The following GALNT13 variants were observed in gnomAD, a reference collection of about 807,000 sequenced individuals.
GALNT13 encodes the protein polypeptide N-acetylgalactosaminyltransferase 13, also known as UDP-GalNAc:polypeptide N-acetylgalactosaminyltransferase 13.
In GALNT13, 28 loss-of-function variants were observed where a neutral mutation model predicts 64.2. That is an observed-to-expected ratio of 0.44 (90% confidence interval 0.32 to 0.60). GALNT13 has a LOEUF of 0.60. Among genes scored for constraint, GALNT13 ranks in the 20% least tolerant of loss-of-function variants. The pLI, the probability that GALNT13 is intolerant of heterozygous loss-of-function variation, is 0.05. For synonymous variants in GALNT13, 214 were observed against 224.6 expected, an observed-to-expected ratio of 0.95 and a Z score of 0.42; for missense variants, 577 against 669.8, an observed-to-expected ratio of 0.86 and a Z score of 1.53.
chr2:154,420,183 A>G (rs2105421466), intron 11 of GALNT13, among the ~76,000 whole-genome samples: 1 of 152,192 alleles, frequency 6.6e-6, no homozygotes, highest in Middle Eastern at 3.4e-3. Flanking sequence ...CATCAGGACA[A>G]CTTTTCTTAC....
chr2:154,286,829 C>G (rs1319398953), intron 8 of GALNT13: 3 of 336,168 alleles, frequency 8.9e-6, no homozygotes, highest in African/African-American at 4.3e-5. Context: ...CCAGTCATCA[C>G]TGGTAGCAAA....
chr2:153,198,366 G>C, the GALNT13 span, among the ~76,000 whole-genome samples: 1 of 152,192 alleles, frequency 6.6e-6, no homozygotes, highest in South Asian at 2.1e-4. Context: ...GAGAATGTAG[G>C]CCACTGGGAA....
chr2:154,383,772 GCTATAT>G (rs1698385187), intron 9 of GALNT13, among the ~76,000 whole-genome samples: 1 of 151,684 alleles, frequency 6.6e-6, no homozygotes, highest in African/African-American at 2.4e-5. Flanking sequence ...TATCTATATA[GCTATAT>G]CTATATACAA....
the GALNT13 span, among the ~76,000 whole-genome samples, chr2:153,831,751 C>A: frequency 2.6e-5 from 4 of 152,168 alleles, no homozygotes; most frequent in African/African-American, 9.7e-5. Context: ...TTGGCAGCTT[C>A]CTACTTCTAC....
At chr2:154,405,032 G>GT (rs1699465163) in intron 10 of GALNT13, among the ~76,000 whole-genome samples, 1 of 152,086 alleles carries the variant, frequency 6.6e-6, no homozygotes, top group African/African-American at 2.4e-5. Flanking sequence ...GAAAAAGATA[G>GT]TAAGAAGTAG....
At chr2:153,443,169 C>T in the GALNT13 span, among the ~76,000 whole-genome samples, 4 of 152,306 alleles carry the variant, frequency 2.6e-5, no homozygotes, top group Non-Finnish European at 5.9e-5. Context: ...ACCTAGGGCC[C>T]TGGTAGCATA....
the GALNT13 span, among the ~76,000 whole-genome samples, chr2:153,661,718 A>G: frequency 6.6e-6 from 1 of 152,182 alleles, no homozygotes; most frequent in Non-Finnish European, 1.5e-5. Flanking sequence ...TCTGTAACTT[A>G]TTTCTCCACA....
At chr2:154,148,198 A>G (rs1473675295) in intron 4 of GALNT13, among the ~76,000 whole-genome samples, 1 of 151,778 alleles carries the variant, frequency 6.6e-6, no homozygotes, top group Non-Finnish European at 1.5e-5. Context: ...TTCTTGTGAT[A>G]GTTTACTGAG....
the GALNT13 span, among the ~76,000 whole-genome samples, chr2:153,233,447 G>T: frequency 6.6e-6 from 1 of 151,372 alleles, no homozygotes; most frequent in South Asian, 2.1e-4. Context: ...ACCCATTCGT[G>T]CCTTTAGAGC....
At chr2:153,506,906 T>C in the GALNT13 span, among the ~76,000 whole-genome samples, 1 of 152,192 alleles carries the variant, frequency 6.6e-6, no homozygotes, top group Non-Finnish European at 1.5e-5. Context: ...GCCAGGGAAG[T>C]TTTCCTCTAT....
the GALNT13 span, among the ~76,000 whole-genome samples, chr2:153,452,612 TA>T: frequency 6.6e-6 from 1 of 151,834 alleles, no homozygotes; most frequent in Non-Finnish European, 1.5e-5. Context: ...ATGATAGTCT[TA>T]GAAATCATAG....
At chr2:153,515,476 T>C in the GALNT13 span, among the ~76,000 whole-genome samples, 1 of 152,206 alleles carries the variant, frequency 6.6e-6, no homozygotes, top group African/African-American at 2.4e-5. Flanking sequence ...TGAACAATCT[T>C]GATCATTTAT....
the GALNT13 span, among the ~76,000 whole-genome samples, chr2:153,522,554 C>T: frequency 6.6e-6 from 1 of 152,062 alleles, no homozygotes; most frequent in African/African-American, 2.4e-5. Context: ...TGGATTTTGA[C>T]CATCCTAAAA....
At chr2:153,407,761 C>A in the GALNT13 span, among the ~76,000 whole-genome samples, 624 of 152,258 alleles carry the variant, frequency 4.1e-3, 6 homozygotes, top group African/African-American at 0.015. Flanking sequence ...AATGTAATAT[C>A]CACTTTGATT....
chr2:153,499,020 GGTATTTTTA>G, the GALNT13 span, among the ~76,000 whole-genome samples: 1 of 152,052 alleles, frequency 6.6e-6, no homozygotes, highest in African/African-American at 2.4e-5. Flanking sequence ...GCAAATCTTT[GGTATTTTTA>G]GTAGAGACGG....
chr2:153,445,935 G>T, the GALNT13 span, among the ~76,000 whole-genome samples: 1 of 152,074 alleles, frequency 6.6e-6, no homozygotes, highest in African/African-American at 2.4e-5. Context: ...GTGGAAAGAT[G>T]ATGATTTTTG....
At chr2:153,205,177 G>GTTTTT in the GALNT13 span, among the ~76,000 whole-genome samples, 1 of 135,900 alleles carries the variant, frequency 7.4e-6, no homozygotes, top group Non-Finnish European at 1.6e-5. Context: ...AAACTTTAGT[G>GTTTTT]TTTTTTTTTT....
At chr2:153,374,103 C>T in the GALNT13 span, among the ~76,000 whole-genome samples, 78 of 152,288 alleles carry the variant, frequency 5.1e-4, no homozygotes, top group Non-Finnish European at 8.7e-4. Flanking sequence ...CAAGACTGTG[C>T]TGTCAACTCT....
At chr2:154,410,845 G>A (rs1190060378) in intron 11 of GALNT13, among the ~76,000 whole-genome samples, 1 of 151,818 alleles carries the variant, frequency 6.6e-6, no homozygotes, top group East Asian at 1.9e-4. Context: ...AAATAAGAAA[G>A]GTACCCCAGA....
Sources: gnomAD v4.1 joint callset for allele counts (sites outside exome capture counted in the v4.1 genomes callset) on GRCh38, gnomAD v4.1.1 for gene constraint, MANE v1.5 for transcripts, NCBI Gene and HGNC (gene_info 2026-07-23, HGNC 2026-07-21) for gene names.